SNX30: variants seen among roughly 807,000 people sequenced by gnomAD.
The protein encoded by SNX30 is sorting nexin family member 30.
Under a neutral mutation model 46.4 loss-of-function variants are expected in SNX30, and 24 were observed. The observed-to-expected ratio is 0.52, with a 90% CI of 0.37 to 0.73. SNX30 has a LOEUF of 0.73. Ranked by LOEUF, SNX30 falls within the 30% of genes least tolerant of loss-of-function variation. The probability of loss-of-function intolerance (pLI) is 0.00; values close to 1 mark genes in which losing one functional copy is unlikely to be tolerated. For missense variants in SNX30, 533 were observed against 555.7 expected (o/e 0.96, Z 0.41); for synonymous variants, 189 against 211.5 (o/e 0.89, Z 0.92).
intron 7 of SNX30, among the ~76,000 whole-genome samples, chr9:112,856,959 C>T (rs1841140946): frequency 1.3e-5 from 2 of 152,158 alleles, no homozygotes; most frequent in Admixed American, 6.5e-5. Context: ...TCAGGGGAAG[C>T]GTGGAACTTA....
At chr9:112,772,590 G>GAAGAACAAGGTAGC (rs1839670336) in intron 1 of SNX30, among the ~76,000 whole-genome samples, 1 of 152,164 alleles carries the variant, frequency 6.6e-6, no homozygotes, top group Admixed American at 6.5e-5. Context: ...GTCTGACTCT[G>GAAGAACAAGGTAGC]AAGAACAAGG....
intron 3 of SNX30, among the ~76,000 whole-genome samples, chr9:112,822,304 G>T (rs997419291): frequency 2.0e-5 from 3 of 152,060 alleles, no homozygotes; most frequent in Non-Finnish European, 4.4e-5. Flanking sequence ...AGTTCACTGT[G>T]TTTTTCTTCA....
chr9:112,853,201 T>C (rs991871587), intron 7 of SNX30, among the ~76,000 whole-genome samples: 8 of 152,226 alleles, frequency 5.3e-5, no homozygotes, highest in Non-Finnish European at 1.2e-4. Context: ...CATGTATCTA[T>C]GGAAAGGCAG....
intron 3 of SNX30, among the ~76,000 whole-genome samples, chr9:112,830,136 A>G (rs890215483): frequency 6.6e-6 from 1 of 152,228 alleles, no homozygotes; most frequent in Admixed American, 6.5e-5. Context: ...CTAAGTCAGT[A>G]TAATAGAGAA....
chr9:112,836,124 C>T, intron 4 of SNX30, 90 bp from the exon 5 acceptor site: 1 of 1,273,982 alleles, frequency 7.8e-7, no homozygotes, highest in Non-Finnish European at 1.1e-6. Context: ...TCTCCATTTC[C>T]AAACTGAAGC....
chr9:112,884,690 C>T (rs1171282213), downstream of SNX30, among the ~76,000 whole-genome samples: 2 of 152,194 alleles, frequency 1.3e-5, no homozygotes, highest in East Asian at 3.8e-4. Flanking sequence ...CAGAGGGAAA[C>T]AGTGTGCCTA....
chr9:112,810,126 A>G (rs1266750725), intron 2 of SNX30, among the ~76,000 whole-genome samples: 5 of 152,144 alleles, frequency 3.3e-5, no homozygotes, highest in African/African-American at 7.2e-5. Context: ...TTCTCTCTGA[A>G]TAGATGATGA....
intron 8 of SNX30, among the ~76,000 whole-genome samples, chr9:112,865,659 A>ATATATATATG (rs1554757338): frequency 7.5e-5 from 6 of 79,674 alleles, no homozygotes; most frequent in African/African-American, 3.2e-4. Flanking sequence ...ATATATATAT[A>ATATATATATG]TATGTATGTA....
intron 6 of SNX30, among the ~76,000 whole-genome samples, chr9:112,841,074 C>T (rs1840849673): frequency 1.3e-5 from 2 of 152,222 alleles, no homozygotes; most frequent in South Asian, 4.1e-4. Context: ...GGTATCTGTT[C>T]TTAAAAATAA....
At chr9:112,816,285 A>G (rs1021411775) in intron 2 of SNX30, among the ~76,000 whole-genome samples, 5 of 152,214 alleles carry the variant, frequency 3.3e-5, no homozygotes, top group African/African-American at 1.2e-4. Context: ...TGGGAGTATC[A>G]GGCCACTTGT....
chr9:112,880,856 A>C (rs1378180271), intron 5 of SNX30, among the ~76,000 whole-genome samples: 2 of 152,140 alleles, frequency 1.3e-5, no homozygotes, highest in East Asian at 1.9e-4. Context: ...GATTGTCTGA[A>C]GGAACTTCTC....
intron 2 of SNX30, among the ~76,000 whole-genome samples, chr9:112,816,991 A>G (rs914130590): frequency 1.3e-5 from 2 of 152,208 alleles, no homozygotes; most frequent in Admixed American, 1.3e-4. Context: ...AGAAAAAGGG[A>G]TGAGATTATT....
intron 7 of SNX30, among the ~76,000 whole-genome samples, chr9:112,860,562 G>T (rs1841209485): frequency 6.6e-6 from 1 of 152,056 alleles, no homozygotes; most frequent in Admixed American, 6.5e-5. Context: ...TGTCAGTTCT[G>T]TCTCCACCAG....
chr9:112,810,913 G>A (rs946845189), intron 2 of SNX30, among the ~76,000 whole-genome samples: 1 of 152,144 alleles, frequency 6.6e-6, no homozygotes, highest in Non-Finnish European at 1.5e-5. Flanking sequence ...TGTGGAACGA[G>A]GAGCATGTCA....
intron 8 of SNX30, among the ~76,000 whole-genome samples, chr9:112,865,366 G>A (rs770573234): frequency 7.2e-5 from 11 of 151,910 alleles, no homozygotes; most frequent in Admixed American, 2.0e-4. Flanking sequence ...GCTCACGCCC[G>A]TAATCCCAGC....
At chr9:112,849,793 C>A (rs1840995418) in intron 6 of SNX30, among the ~76,000 whole-genome samples, 1 of 152,194 alleles carries the variant, frequency 6.6e-6, no homozygotes, top group Non-Finnish European at 1.5e-5. Flanking sequence ...CCTGCCTTGA[C>A]TCCTCACGCT....
At chr9:112,750,617 G>A (rs932555438), upstream of SNX30, among the ~76,000 whole-genome samples, 24 of 152,014 alleles carry the variant, frequency 1.6e-4, no homozygotes, top group Non-Finnish European at 4.4e-5. Context: ...GCGGGGGCGG[G>A]GCCGCGCCTC....
chr9:112,794,297 C>T (rs1296299682), intron 1 of SNX30, among the ~76,000 whole-genome samples: 2 of 152,158 alleles, frequency 1.3e-5, no homozygotes, highest in Admixed American at 6.6e-5. Context: ...GGATTACAGA[C>T]GTGTGCCAAC....
intron 2 of SNX30, among the ~76,000 whole-genome samples, chr9:112,811,164 G>T (rs926964769): frequency 1.3e-5 from 2 of 152,242 alleles, no homozygotes; most frequent in Middle Eastern, 3.2e-3. Flanking sequence ...AGAGGAGCGT[G>T]AGGATGAAAG....
Sources: gnomAD v4.1 joint callset for allele counts (sites outside exome capture counted in the v4.1 genomes callset) on GRCh38, gnomAD v4.1.1 for gene constraint, MANE v1.5 for transcripts, NCBI Gene and HGNC (gene_info 2026-07-23, HGNC 2026-07-21) for gene names.